Variants in CCN4 observed in about 807,000 individuals in gnomAD.
CCN4 encodes the protein cellular communication network factor 4, also known as CCN family member 4.
Under a neutral mutation model 36.7 loss-of-function variants are expected in CCN4, and 30 were observed. That is an observed-to-expected ratio of 0.82 (90% CI 0.61 to 1.11). The LOEUF is 1.11. Among genes scored for constraint, CCN4 ranks in the 50% least tolerant of loss-of-function variants. The pLI is 0.00. For synonymous variants in CCN4, 191 were observed against 195.4 expected (o/e 0.98, Z 0.19); for missense variants, 505 against 504.9 (o/e 1.00, Z 0.00).
chr8:133,193,564 A>G lies in CCN4; in HGVS notation c.69+2351A>G, dbSNP rs112019124. 8.2e-3 allele frequency among the ~76,000 whole-genome samples: 1,255 copies of G among 152,346 alleles called. 20 individuals carry two copies. The highest frequency in any genetic ancestry group is 0.028 in the African/African-American group (1,163 of 41,570). On this transcript the variant is annotated intron_variant, in intron 1 of 4. Coordinates refer to ENST00000250160, the MANE Select transcript of CCN4 (RefSeq NM_003882.4). The stretch of plus-strand genomic sequence containing the variant: ...CCATGTGCTAAGAGAAAGGGACTCC[A>G]TTTAATGTGCATTAGCAAGCACTGA...
At chr8:133,220,121 T>C (rs552556468) in intron 2 of CCN4, among the ~76,000 whole-genome samples, 80 of 152,304 alleles carry the variant, frequency 5.3e-4, no homozygotes, top group African/African-American at 1.9e-3. Context: ...TGTCCACTAT[T>C]GAGTCCCCAG....
Position 133,213,106 on chromosome 8 carries a change from C to G in CCN4, c.312C>G (p.Ser104Arg). The G allele has an allele frequency of 1.2e-6, 2 of 1,613,616 alleles. No homozygotes were observed. The highest frequency in any genetic ancestry group is 1.7e-6 in the Non-Finnish European group (2 of 1,179,598). The change falls in exon 2 of 5, where the codon AGC becomes AGG. Residue 104 changes from serine to arginine, a missense_variant. By Grantham distance (110) the Ser-to-Arg change is moderately radical. Coordinates refer to ENST00000250160, the MANE Select transcript of CCN4 (RefSeq NM_003882.4). ...ACCGGGGCCTCTACTGTGACTACAG[C>G]GGGGACCGCCCGAGGTACGCAATAG... Reference protein sequence around the residue: ...DPHRGLYCDYSGDRPRYAIGV... With the variant: ...DPHRGLYCDYRGDRPRYAIGV...
At chr8:133,199,291 C>T (rs1170142030) in intron 1 of CCN4, among the ~76,000 whole-genome samples, 1 of 152,214 alleles carries the variant, frequency 6.6e-6, no homozygotes, top group Admixed American at 6.5e-5. Flanking sequence ...TGCCCCTCTG[C>T]TCAGGCTTGT....
At chr8:133,200,306 C>T (rs1853541368) in intron 1 of CCN4, among the ~76,000 whole-genome samples, 1 of 152,206 alleles carries the variant, frequency 6.6e-6, no homozygotes, top group Non-Finnish European at 1.5e-5. Context: ...GGACTGGAGC[C>T]CAGGGCCTCT....
Position 133,220,655 on chromosome 8 carries a change from T to C in CCN4, c.424T>C (p.Tyr142His). 5.6e-6 allele frequency: 9 copies of C among 1,614,126 alleles called. No individual in the cohort carries two copies. The highest frequency in any genetic ancestry group is 7.6e-6 in the Non-Finnish European group (9 of 1,180,000). Residue 142 changes from tyrosine to histidine, a missense_variant, in exon 3 of 5, where the codon TAC (tyrosine) becomes CAC (histidine). Physicochemically the swap from Tyr to His is moderately conservative, Grantham distance 83. Transcript: ENST00000250160. ...NGQSFQPNCK[Y>H]NCTCIDGAVG... ...CCAGTCCTTCCAGCCTAACTGCAAG[T>C]ACAACTGCACGTGCATCGACGGCGC...
At chr8:133,222,874 T>C (rs1854584344) in intron 3 of CCN4, among the ~76,000 whole-genome samples, 1 of 151,962 alleles carries the variant, frequency 6.6e-6, no homozygotes, top group Non-Finnish European at 1.5e-5. Flanking sequence ...AGCTCGGCAC[T>C]GTCAACATCT....
At chr8:133,223,621 C>T (rs530785952) in intron 3 of CCN4, among the ~76,000 whole-genome samples, 1 of 150,648 alleles carries the variant, frequency 6.6e-6, no homozygotes, top group Admixed American at 6.6e-5. Context: ...TATTACCTTC[C>T]TCCTGTTTCT....
chr8:133,218,932 C>T (rs933617482), intron 2 of CCN4, among the ~76,000 whole-genome samples: 14 of 152,196 alleles, frequency 9.2e-5, no homozygotes, highest in African/African-American at 3.4e-4. Context: ...TCCTCCTTCT[C>T]GACTCCTCTC....
rs553099978 is a variant in CCN4 at position 133,205,002 on chromosome 8, G to A, written c.70-7862G>A. Among the ~76,000 whole-genome samples the A allele has an allele frequency of 2.7e-3, 408 of 152,356 alleles. 1 individual carries two copies. The highest frequency in any genetic ancestry group is 9.1e-3 in the African/African-American group (379 of 41,584). On this transcript the variant is annotated intron_variant, in intron 1 of 4. Transcript: ENST00000250160. The stretch of plus-strand genomic sequence containing the variant: ...GAGTAGAGTGTCCATTAAAGCCCCA[G>A]GGTAGTTGTACTTTGCAGTAAAGTT...
At chr8:133,216,130 C>A (rs1446390016) in intron 2 of CCN4, among the ~76,000 whole-genome samples, 1 of 152,110 alleles carries the variant, frequency 6.6e-6, no homozygotes, top group African/African-American at 2.4e-5. Context: ...ATTCATGAGA[C>A]CCTAATGCAG....
intron 2 of CCN4, among the ~76,000 whole-genome samples, chr8:133,220,116 A>G (rs760769673): frequency 4.6e-5 from 7 of 151,882 alleles, no homozygotes; most frequent in Non-Finnish European, 7.4e-5. Flanking sequence ...TGTTTTGTCC[A>G]CTATTGAGTC....
chr8:133,226,229 C>T (rs964432686), intron 4 of CCN4, among the ~76,000 whole-genome samples: 1 of 152,144 alleles, frequency 6.6e-6, no homozygotes, highest in Non-Finnish European at 1.5e-5. Context: ...GAGTGGTCAG[C>T]CTTTTGTCAC....
chr8:133,208,366 G>A (rs2130562850), intron 1 of CCN4, among the ~76,000 whole-genome samples: 1 of 152,274 alleles, frequency 6.6e-6, no homozygotes, highest in Non-Finnish European at 1.5e-5. Flanking sequence ...CTCAGAAAGT[G>A]AACTCCCAGA....
rs1854423874 is a variant in CCN4 at position 133,218,961 on chromosome 8, C to T, written c.350-1620C>T. The stretch of plus-strand genomic sequence containing the variant: ...TCCTCTCCTTTCCCCCGCACAGCCC[C>T]TCTGTCAGTAAGTCCTGGCAGCTCT... On this transcript the variant is annotated intron_variant, in intron 2 of 4. Transcript: ENST00000250160. Among the ~76,000 whole-genome samples, 5 of 152,136 alleles carry T rather than the reference C, an allele frequency of 3.3e-5. No homozygotes were observed. In the South Asian group the frequency reaches 1.0e-3, roughly 32 times the overall value.
In CCN4 at chr8:133,220,678, C is replaced by A. The variant is rs530441446; in HGVS notation, c.447C>A (p.Gly149=). The change falls in exon 3 of 5, where the codon GGC becomes GGA. Residue 149 remains glycine (G), a synonymous_variant. Coordinates refer to ENST00000250160, the MANE Select transcript of CCN4 (RefSeq NM_003882.4). The stretch of plus-strand genomic sequence containing the variant: ...AGTACAACTGCACGTGCATCGACGG[C>A]GCGGTGGGCTGCACACCACTGTGCC... ...NCKYNCTCID[G]AVGCTPLCLR... 8 of 1,614,032 alleles carry A rather than the reference C, an allele frequency of 5.0e-6. No individual in the cohort carries two copies. The South Asian group carries it at 7.7e-5, about 16-fold the overall frequency.
Position 133,212,881 on chromosome 8 carries a change from T to G in CCN4, c.87T>G (p.Pro29=), listed in dbSNP as rs1358316394. 9 of 1,580,560 alleles carry G rather than the reference T, an allele frequency of 5.7e-6. No homozygotes were observed. The highest frequency in any genetic ancestry group is 1.1e-5 in the South Asian group (1 of 88,946). The change falls in exon 2 of 5, where the codon CCT becomes CCG. Residue 29 remains proline (P), a synonymous_variant. Coordinates refer to ENST00000250160, the MANE Select transcript of CCN4 (RefSeq NM_003882.4). ...TVLATALSPA[P]TTMDFTPAPL... is the part of the protein sequence containing the mutation. ...CCCCGCAGGCCCTCTCTCCAGCCCC[T>G]ACGACCATGGACTTTACCCCAGCTC...
At chr8:133,199,320 C>T (rs1853501253) in intron 1 of CCN4, among the ~76,000 whole-genome samples, 1 of 152,108 alleles carries the variant, frequency 6.6e-6, no homozygotes, top group Admixed American at 6.5e-5. Flanking sequence ...CAGGGTAGTG[C>T]GGTGGTGAAG....
chr8:133,191,359 AG>A, intron 1 of CCN4, 146 bp downstream of exon 1: 1 of 963,158 alleles, frequency 1.0e-6, no homozygotes, highest in Non-Finnish European at 1.5e-6. Context: ...GACAGAGCCC[AG>A]GGTGAGGAGT....
intron 2 of CCN4, among the ~76,000 whole-genome samples, chr8:133,215,916 A>G (rs928739630): frequency 2.6e-5 from 4 of 152,128 alleles, no homozygotes; most frequent in African/African-American, 9.7e-5. Context: ...AAGCTTCATA[A>G]TAAATTTTTT....
Sources: gnomAD v4.1 joint callset for allele counts (sites outside exome capture counted in the v4.1 genomes callset) on GRCh38, gnomAD v4.1.1 for gene constraint, MANE v1.5 for transcripts, NCBI Gene and HGNC (gene_info 2026-07-23, HGNC 2026-07-21) for gene names.